The following EXT2 variants were observed in gnomAD, a reference collection of about 807,000 sequenced individuals.
EXT2 encodes exostosin glycosyltransferase 2, also known as exostosin-2.
Under a neutral mutation model 81.6 loss-of-function variants are expected in EXT2, and 53 were observed. The observed-to-expected ratio is 0.65, with a 90% confidence interval of 0.52 to 0.82. The LOEUF is 0.82. Among genes scored for constraint, EXT2 ranks in the 40% least tolerant of loss-of-function variants. EXT2 has a pLI of 0.00. For synonymous variants in EXT2, 320 were observed against 340.0 expected (o/e 0.94, Z 0.65); for missense variants, 774 against 910.2 (o/e 0.85, Z 1.93).
intron 4 of EXT2, among the ~76,000 whole-genome samples, chr11:44,123,389 T>A (rs1954347472): frequency 7.9e-5 from 12 of 152,248 alleles, no homozygotes; most frequent in Admixed American, 7.8e-4. Flanking sequence ...GTATTTTCCC[T>A]GGGCTGTACC....
chr11:44,155,683 T>G (rs1385623268), intron 7 of EXT2, among the ~76,000 whole-genome samples: 1 of 152,214 alleles, frequency 6.6e-6, no homozygotes, highest in East Asian at 1.9e-4. Context: ...TTATATTTTA[T>G]GATACTGCCT....
rs1481085901 is a variant in EXT2 at position 44,251,770 on chromosome 11, GA to G, written c.*7484del. Among the ~76,000 whole-genome samples, 1 of 152,128 alleles carries G rather than the reference GA, an allele frequency of 6.6e-6. No homozygotes were observed. The highest frequency in any genetic ancestry group is 2.4e-5 in the African/African-American group (1 of 41,420). ...CTTAAAAAATAAAAAAACCTGATGT[GA>G]TGGGTTCCTTCAGTCAACAAATACT... On this transcript the variant is annotated 3_prime_UTR_variant, in exon 14 of 14. Transcript: ENST00000533608.
At chr11:44,213,293 A>G (rs945406689) in intron 10 of EXT2, among the ~76,000 whole-genome samples, 1 of 152,220 alleles carries the variant, frequency 6.6e-6, no homozygotes, top group African/African-American at 2.4e-5. Flanking sequence ...GAGAAAGTGT[A>G]CAGATCCAGC....
At chr11:44,122,682 T>C (rs1368105795) in intron 4 of EXT2, among the ~76,000 whole-genome samples, 1 of 152,214 alleles carries the variant, frequency 6.6e-6, no homozygotes, top group Admixed American at 6.5e-5. Context: ...ATCTCCCTGC[T>C]GGGTTGCTGT....
intron 7 of EXT2, among the ~76,000 whole-genome samples, chr11:44,139,120 C>CTTT (rs397965600): frequency 3.2e-4 from 44 of 139,508 alleles, no homozygotes; most frequent in Admixed American, 5.0e-4. Context: ...TCTCTCTCTC[C>CTTT]TTTTTTTTTT....
At chr11:44,171,546 T>TA (rs1955073472) in intron 7 of EXT2, 65 bp from the exon 8 acceptor site, 10 of 1,611,378 alleles carry the variant, frequency 6.2e-6, no homozygotes, top group Non-Finnish European at 8.5e-6. Flanking sequence ...TTGACTATGA[T>TA]AGAGTATCTA....
intron 8 of EXT2, among the ~76,000 whole-genome samples, chr11:44,190,880 A>G (rs1177028766): frequency 1.3e-5 from 2 of 152,190 alleles, no homozygotes; most frequent in Non-Finnish European, 2.9e-5. Flanking sequence ...AACTACAAGA[A>G]AGCAAATCAG....
rs749202818 is a variant in EXT2 at position 44,171,597 on chromosome 11, T to A, written c.1174-14T>A. On this transcript the variant is annotated splice_polypyrimidine_tract_variant and intron_variant, in intron 7 of 13. Coordinates refer to ENST00000533608, the MANE Select transcript of EXT2 (RefSeq NM_207122.2). ...CTCGCTTGCTCACTTAAAACAGCAT[T>A]ATTTTCTTTATAGGCCCGGTGGTTC... The A allele has an allele frequency of 1.2e-5, 20 of 1,614,156 alleles. No individual in the cohort carries two copies. Among genetic ancestry groups the A allele is most frequent in the Non-Finnish European group, 1.6e-5 (19 of 1,180,026 alleles).
At chr11:44,124,314 T>C (rs778224879) in intron 4 of EXT2, among the ~76,000 whole-genome samples, 1 of 152,066 alleles carries the variant, frequency 6.6e-6, no homozygotes, top group Non-Finnish European at 1.5e-5. Context: ...TGCCTGCCAG[T>C]GCTTCCCATC....
intron 7 of EXT2, among the ~76,000 whole-genome samples, chr11:44,161,024 T>G (rs1954920726): frequency 6.6e-6 from 1 of 152,222 alleles, no homozygotes; most frequent in South Asian, 2.1e-4. Context: ...ATGCTTACTT[T>G]ATTTTTGTAT....
intron 7 of EXT2, among the ~76,000 whole-genome samples, chr11:44,151,435 G>T (rs1954790170): frequency 6.6e-6 from 1 of 151,984 alleles, no homozygotes; most frequent in Non-Finnish European, 1.5e-5. Context: ...TGTCTCTGTG[G>T]TTTTGCCTTT....
At chr11:44,120,058 C>T (rs1027585634) in intron 4 of EXT2, among the ~76,000 whole-genome samples, 1 of 151,700 alleles carries the variant, frequency 6.6e-6, no homozygotes, top group Non-Finnish European at 1.5e-5. Flanking sequence ...AAAATAAAAG[C>T]TTTAAGTGAA....
intron 1 of EXT2, chr11:44,096,202 T>G: frequency 6.6e-7 from 1 of 1,518,574 alleles, no homozygotes; most frequent in Non-Finnish European, 8.8e-7. Flanking sequence ...ACCCCTCCCT[T>G]CCTGCTGCCA....
intron 8 of EXT2, among the ~76,000 whole-genome samples, chr11:44,186,659 A>G (rs1955314791): frequency 6.6e-6 from 1 of 152,212 alleles, no homozygotes; most frequent in Non-Finnish European, 1.5e-5. Context: ...AGGCATTCAA[A>G]TGGGTTTAAC....
chr11:44,124,988 A>C lies in EXT2; in HGVS notation c.939+4A>C, dbSNP rs778799076. On this transcript the variant is annotated splice_donor_region_variant and intron_variant, in intron 5 of 13. Coordinates refer to ENST00000533608, the MANE Select transcript of EXT2 (RefSeq NM_207122.2). ...CGATTACCCACAGGTGCTACAGGTG[A>C]GTGTCATTCATTACCTCTCGCAAAG... is the stretch of plus-strand genomic sequence containing the variant. 1 of 1,612,100 alleles carries C rather than the reference A, an allele frequency of 6.2e-7. No homozygotes were observed. Among genetic ancestry groups the C allele is most frequent in the Admixed American group, 1.7e-5 (1 of 60,026 alleles).
intron 1 of EXT2, among the ~76,000 whole-genome samples, chr11:44,102,125 C>T (rs976729298): frequency 2.6e-5 from 4 of 152,128 alleles, no homozygotes; most frequent in African/African-American, 9.7e-5. Context: ...AACATTCCTG[C>T]ACGTATAGGC....
chr11:44,132,855 C>G (rs780782560), intron 7 of EXT2, among the ~76,000 whole-genome samples: 5 of 152,214 alleles, frequency 3.3e-5, no homozygotes, highest in African/African-American at 1.2e-4. Flanking sequence ...AGTCCCACTC[C>G]CCTTTCTCTG....
intron 7 of EXT2, among the ~76,000 whole-genome samples, chr11:44,133,170 T>A (rs1442523710): frequency 6.6e-6 from 1 of 152,258 alleles, no homozygotes; most frequent in Non-Finnish European, 1.5e-5. Context: ...CTCATCTCTC[T>A]AAAATTAGAG....
At chr11:44,168,334 A>T (rs1955024154) in intron 7 of EXT2, among the ~76,000 whole-genome samples, 1 of 152,308 alleles carries the variant, frequency 6.6e-6, no homozygotes, top group African/African-American at 2.4e-5. Context: ...AGAGAATAAG[A>T]GATACATGAG....
Sources: gnomAD v4.1 joint callset for allele counts (sites outside exome capture counted in the v4.1 genomes callset) on GRCh38, gnomAD v4.1.1 for gene constraint, MANE v1.5 for transcripts, NCBI Gene and HGNC (gene_info 2026-07-23, HGNC 2026-07-21) for gene names.